The following RNASE4 variants were observed in gnomAD, a reference collection of about 807,000 sequenced individuals.
RNASE4 encodes ribonuclease A family member 4.
For synonymous variants in RNASE4, 93 were observed against 71.4 expected (o/e 1.30, Z -1.52); for missense variants, 194 against 192.8 (o/e 1.01, Z -0.04).
At chr14:20,693,929 C>A in intron 1 of RNASE4, 1 of 1,614,094 alleles carries the variant, frequency 6.2e-7, no homozygotes, top group Non-Finnish European at 8.5e-7. Context: ...CGAGCCACAG[C>A]GGGGTTCAGA....
intron 1 of RNASE4, chr14:20,693,902 G>A (rs1555346395): frequency 1.2e-6 from 2 of 1,614,134 alleles, no homozygotes; most frequent in Non-Finnish European, 1.7e-6. Flanking sequence ...GGTTCCCCCT[G>A]GCCTCCATGC....
rs531804374 is a variant in RNASE4, at chr14:20,688,403, C to T, written c.-18+3645C>T. Among the ~76,000 whole-genome samples, 56 of 152,254 alleles carry T rather than the reference C, an allele frequency of 3.7e-4. 1 individual carries two copies. The highest frequency in any genetic ancestry group is 3.4e-3 in the Middle Eastern group (1 of 294). ...GTGGAAAAGCATCCTACTGGAAGAC[C>T]ATATCTTACTCTGTGACATCTTCCA... On this transcript the variant is annotated intron_variant, in intron 1 of 1. Transcript: ENST00000555835.
intron 1 of RNASE4, among the ~76,000 whole-genome samples, chr14:20,692,152 C>A (rs1459662560): frequency 6.6e-6 from 1 of 152,130 alleles, no homozygotes; most frequent in African/African-American, 2.4e-5. Context: ...CATTTGGGGT[C>A]ATAAGAATTG....
chr14:20,699,853 T>C lies in RNASE4; in HGVS notation c.*38T>C. The C allele has an allele frequency of 6.4e-7, 1 of 1,569,676 alleles. No homozygotes were observed. Among genetic ancestry groups the C allele is most frequent in the Non-Finnish European group, 8.7e-7 (1 of 1,144,412 alleles). The stretch of plus-strand genomic sequence containing the variant: ...AGGGATTATCGCGAGTGGTTGACCT[T>C]ACACTTACTCCTTAAATAGCAGTGA... On this transcript the variant is annotated 3_prime_UTR_variant, in exon 2 of 2. Coordinates refer to ENST00000555835, the MANE Select transcript of RNASE4 (RefSeq NM_002937.5).
At chr14:20,687,052 T>C (rs947248041) in intron 1 of RNASE4, among the ~76,000 whole-genome samples, 1 of 152,202 alleles carries the variant, frequency 6.6e-6, no homozygotes, top group East Asian at 1.9e-4. Context: ...TGTCTGAACA[T>C]TTAAAAAATA....
chr14:20,693,023 AT>A (rs1326456575), intron 1 of RNASE4, among the ~76,000 whole-genome samples: 1 of 151,178 alleles, frequency 6.6e-6, no homozygotes, highest in Non-Finnish European at 1.5e-5. Context: ...AATTTTTTGT[AT>A]TTTTAGTAGA....
At chr14:20,687,916 C>T (rs1886498990) in intron 1 of RNASE4, among the ~76,000 whole-genome samples, 1 of 152,200 alleles carries the variant, frequency 6.6e-6, no homozygotes. Flanking sequence ...AGATCCAACA[C>T]CACTGTGGGC....
intron 1 of RNASE4, among the ~76,000 whole-genome samples, chr14:20,686,169 G>C (rs1034681845): frequency 6.6e-6 from 1 of 152,078 alleles, no homozygotes; most frequent in Non-Finnish European, 1.5e-5. Flanking sequence ...ATGAGGGGTG[G>C]ACAGAGTCTC....
At position 20,699,941 on chromosome 14, in the gene RNASE4, T is replaced by C. The variant is rs1400383080; in HGVS notation, c.*126T>C. ...GCTCATTTCCTACTCTTTTTCTCTA[T>C]ATAACTCATTCTATTAAATACATTG... On this transcript the variant is annotated 3_prime_UTR_variant, in exon 2 of 2. Coordinates refer to ENST00000555835, the MANE Select transcript of RNASE4 (RefSeq NM_002937.5). 1.3e-6 allele frequency: 1 copy of C among 771,944 alleles called. No homozygotes were observed. The highest frequency in any genetic ancestry group is 1.7e-5 in the African/African-American group (1 of 57,440). 47.8% of individuals were successfully genotyped at this position (771,944 alleles called of 1,614,324 possible).
chr14:20,685,545 C>T (rs1028984454), intron 1 of RNASE4, among the ~76,000 whole-genome samples: 4 of 152,198 alleles, frequency 2.6e-5, no homozygotes, highest in Admixed American at 6.5e-5. Flanking sequence ...ACTTACTTAA[C>T]CACAGAGCCA....
At chr14:20,688,115 T>C (rs1886510503) in intron 1 of RNASE4, among the ~76,000 whole-genome samples, 1 of 152,160 alleles carries the variant, frequency 6.6e-6, no homozygotes, top group Non-Finnish European at 1.5e-5. Context: ...AGATTGAATG[T>C]TCAGGGTTAG....
At chr14:20,690,000 G>C (rs1463556811) in intron 1 of RNASE4, among the ~76,000 whole-genome samples, 1 of 148,976 alleles carries the variant, frequency 6.7e-6, no homozygotes, top group African/African-American at 2.5e-5. Context: ...TGGATCATGA[G>C]GTCAGGAGAT....
chr14:20,699,791 G>A lies in RNASE4; in HGVS notation c.420G>A (p.Gln140=), dbSNP rs1198168551. ...RVVIACEGNP[Q]VPVHFDG ...TCATTGCCTGTGAGGGTAACCCACA[G>A]GTGCCTGTGCACTTTGACGGTTAGA... The change falls in exon 2 of 2, where the codon CAG becomes CAA. Residue 140 remains glutamine, a synonymous_variant. Coordinates refer to ENST00000555835, the MANE Select transcript of RNASE4 (RefSeq NM_002937.5). The A allele has an allele frequency of 1.9e-6, 3 of 1,612,614 alleles. No individual in the cohort carries two copies. Among genetic ancestry groups the A allele is most frequent in the Non-Finnish European group, 2.5e-6 (3 of 1,179,940 alleles).
At chr14:20,691,329 A>G (rs1272530620) in intron 1 of RNASE4, among the ~76,000 whole-genome samples, 1 of 152,240 alleles carries the variant, frequency 6.6e-6, no homozygotes, top group Admixed American at 6.5e-5. Context: ...TTGACATTAG[A>G]AGTCAGTATT....
intron 1 of RNASE4, among the ~76,000 whole-genome samples, chr14:20,688,077 A>G (rs1886507663): frequency 6.6e-6 from 1 of 152,216 alleles, no homozygotes; most frequent in Admixed American, 6.5e-5. Flanking sequence ...GAGATAAGCA[A>G]TTTTGCAACT....
At chr14:20,693,610 C>T in intron 1 of RNASE4, 1 of 1,613,998 alleles carries the variant, frequency 6.2e-7, no homozygotes, top group South Asian at 1.1e-5. Flanking sequence ...CGTGCTGGGT[C>T]TGGGTCTGAC....
chr14:20,693,833 G>A (rs1886953355), intron 1 of RNASE4: 3 of 1,614,096 alleles, frequency 1.9e-6, no homozygotes, highest in Non-Finnish European at 2.5e-6. Flanking sequence ...AACCCTCACA[G>A]AGAAAACCTA....
intron 1 of RNASE4, among the ~76,000 whole-genome samples, chr14:20,685,334 C>T (rs1247960134): frequency 6.6e-6 from 1 of 152,178 alleles, no homozygotes; most frequent in Non-Finnish European, 1.5e-5. Flanking sequence ...CTAATAGCAG[C>T]ACATGAGTAA....
intron 1 of RNASE4, among the ~76,000 whole-genome samples, chr14:20,686,159 A>G (rs1359587481): frequency 2.0e-5 from 3 of 152,190 alleles, no homozygotes; most frequent in African/African-American, 7.2e-5. Context: ...CTTCTTTAAT[A>G]TGAGGGGTGG....
Sources: allele counts gnomAD v4.1 joint callset (sites outside exome capture counted in the v4.1 genomes callset), GRCh38; gene constraint gnomAD v4.1.1; transcripts MANE v1.5; gene names NCBI Gene and HGNC (gene_info 2026-07-23, HGNC 2026-07-21).